LHCGR: variants seen among roughly 807,000 people sequenced by gnomAD.
The protein encoded by LHCGR is luteinizing hormone/choriogonadotropin receptor, also known as lutropin-choriogonadotropic hormone receptor.
Under a neutral mutation model 60.7 loss-of-function variants are expected in LHCGR, and 55 were observed. That is an observed-to-expected ratio of 0.91 (90% confidence interval 0.73 to 1.13). LHCGR has a LOEUF of 1.13. LHCGR is among the 50% of genes most tolerant of loss of function. LHCGR has a pLI of 0.00. For synonymous variants in LHCGR, 337 were observed against 316.5 expected, an observed-to-expected ratio of 1.06 and a Z score of -0.69; for missense variants, 862 against 836.0, an observed-to-expected ratio of 1.03 and a Z score of -0.38.
intron 1 of LHCGR, among the ~76,000 whole-genome samples, chr2:48,752,708 C>G (rs1429880521): frequency 1.3e-5 from 2 of 151,768 alleles, no homozygotes; most frequent in Non-Finnish European, 2.9e-5. Context: ...GTCTTCTTAC[C>G]TCAGGACTCA....
Position 48,730,363 on chromosome 2 carries a change from G to T in LHCGR, c.233+864C>A, listed in dbSNP as rs181288963. Reference sequence around the variant, plus strand: ...AGTGTGGGTTAAGCTCAAGTAAACCGACAAGTCCGTAACCTGCAGGGAATT... The same window carrying T: ...AGTGTGGGTTAAGCTCAAGTAAACCTACAAGTCCGTAACCTGCAGGGAATT... On this transcript the variant is annotated intron_variant, in intron 2 of 10. Transcript: ENST00000294954. Among the ~76,000 whole-genome samples, 5 of 152,242 alleles carry T rather than the reference G, an allele frequency of 3.3e-5. No individual in the cohort carries two copies. The East Asian group carries it at 9.6e-4, about 29-fold the overall frequency.
At chr2:48,724,524 C>T (rs928374099) in intron 4 of LHCGR, among the ~76,000 whole-genome samples, 1 of 152,192 alleles carries the variant, frequency 6.6e-6, no homozygotes, top group African/African-American at 2.4e-5. Flanking sequence ...GCCCAGGTCA[C>T]ACTGGATCTC....
intron 3 of LHCGR, among the ~76,000 whole-genome samples, chr2:48,728,102 TA>T (rs1251649760): frequency 1.5e-5 from 2 of 136,252 alleles, no homozygotes; most frequent in Admixed American, 7.3e-5. Flanking sequence ...TTTTTTTTTT[TA>T]AACTCATCAG....
At chr2:48,695,163 AT>A (rs1667055250) in intron 9 of LHCGR, among the ~76,000 whole-genome samples, 1 of 152,026 alleles carries the variant, frequency 6.6e-6, no homozygotes, top group Admixed American at 6.6e-5. Context: ...TTGTTGATGC[AT>A]TTAATTTCAT....
At chr2:48,702,823 T>C (rs1667477795) in intron 8 of LHCGR, among the ~76,000 whole-genome samples, 1 of 152,214 alleles carries the variant, frequency 6.6e-6, no homozygotes, top group African/African-American at 2.4e-5. Context: ...TATTTCTAGT[T>C]CTAGATCCTT....
In LHCGR at chr2:48,694,248, A is replaced by C. The variant is rs1558811282; in HGVS notation, c.923T>G (p.Val308Gly). 3.1e-6 allele frequency: 5 copies of C among 1,592,622 alleles called. No individual in the cohort carries two copies. Among genetic ancestry groups the C allele is most frequent in the Non-Finnish European group, 4.3e-6 (5 of 1,162,814 alleles). ...ENFSKQCESTVRKVNNKTLYS... is the reference protein window; with the variant it reads ...ENFSKQCESTGRKVNNKTLYS... Reference sequence around the variant, plus strand: ...CAGTGTTTTGTTATTCACTTTCCTTACTGTGCTTTCACATTGTTTGGAAAA... The same window carrying C: ...CAGTGTTTTGTTATTCACTTTCCTTCCTGTGCTTTCACATTGTTTGGAAAA... Residue 308 changes from valine to glycine, a missense_variant, in exon 10 of 11, where the codon GTA becomes GGA. Physicochemically the swap from Val to Gly is moderately radical, Grantham distance 109. Transcript: ENST00000294954.
chr2:48,702,327 A>G (rs6742911), intron 8 of LHCGR, among the ~76,000 whole-genome samples: 20,195 of 151,168 alleles, frequency 0.13, 1,612 homozygotes, highest in South Asian at 0.24. Context: ...GGTTTGTTAC[A>G]TAGGTATACA....
chr2:48,706,168 G>T (rs939740395), intron 8 of LHCGR, among the ~76,000 whole-genome samples: 1 of 152,158 alleles, frequency 6.6e-6, no homozygotes, highest in Non-Finnish European at 1.5e-5. Context: ...AATTTGGCTG[G>T]ATATGAAATT....
Position 48,688,073 on chromosome 2 carries a change from A to G in LHCGR, c.1724T>C (p.Ile575Thr), listed in dbSNP as rs761542332. 2 of 1,614,064 alleles carry G rather than the reference A, an allele frequency of 1.2e-6. No individual in the cohort carries two copies. The highest frequency in any genetic ancestry group is 2.7e-5 in the African/African-American group (2 of 74,928). ...TKIAKKMAIL[I>T]FTDFTCMAPI... ...TGCCATGCAGGTGAAATCGGTGAAGATGAGGATTGCCATTTTCTTAGCAAT... is the reference window on the plus strand; with the variant it reads ...TGCCATGCAGGTGAAATCGGTGAAGGTGAGGATTGCCATTTTCTTAGCAAT... Residue 575 changes from isoleucine to threonine, a missense_variant, in exon 11 of 11, where the codon ATC becomes ACC. Ile to Thr is a moderately conservative substitution (Grantham distance 89). Transcript: ENST00000294954. This position sits in a 1 kb window ranked among gnomAD's most constrained non-coding sequence, Gnocchi z 5.2.
intron 1 of LHCGR, among the ~76,000 whole-genome samples, chr2:48,750,252 C>T (rs1411944945): frequency 6.6e-6 from 1 of 152,168 alleles, no homozygotes; most frequent in Non-Finnish European, 1.5e-5. Context: ...ACCTTGTGTG[C>T]TACACCAGGA....
chr2:48,697,117 C>A (rs951056871), intron 9 of LHCGR, among the ~76,000 whole-genome samples: 1 of 152,204 alleles, frequency 6.6e-6, no homozygotes, highest in African/African-American at 2.4e-5. Flanking sequence ...TCATCTTCTT[C>A]CATGTGTCCA....
At chr2:48,739,730 C>T (rs899587147) in intron 1 of LHCGR, among the ~76,000 whole-genome samples, 1 of 151,928 alleles carries the variant, frequency 6.6e-6, no homozygotes, top group Non-Finnish European at 1.5e-5. Context: ...AGTTAATGGG[C>T]ACAGCACACC....
At chr2:48,707,037 C>T (rs1667718565) in intron 8 of LHCGR, among the ~76,000 whole-genome samples, 1 of 152,124 alleles carries the variant, frequency 6.6e-6, no homozygotes, top group Non-Finnish European at 1.5e-5. Flanking sequence ...TTTTATCTAC[C>T]TTTGGTCATT....
chr2:48,694,746 A>G (rs1032229795), intron 9 of LHCGR, among the ~76,000 whole-genome samples: 3 of 152,128 alleles, frequency 2.0e-5, no homozygotes, highest in Non-Finnish European at 4.4e-5. Context: ...TGGACCTGAC[A>G]TTATGATGTG....
chr2:48,746,575 C>G (rs1363944013), intron 1 of LHCGR, among the ~76,000 whole-genome samples: 1 of 152,192 alleles, frequency 6.6e-6, no homozygotes, highest in Non-Finnish European at 1.5e-5. Context: ...AGCCATTCCG[C>G]AGCACCCAAG....
chr2:48,747,186 T>G (rs1021446955), intron 1 of LHCGR, among the ~76,000 whole-genome samples: 14 of 152,134 alleles, frequency 9.2e-5, no homozygotes, highest in Admixed American at 4.6e-4. Flanking sequence ...GTCTCCTGGT[T>G]CAAGGGATTC....
chr2:48,738,144 T>A (rs1045986865), intron 1 of LHCGR, among the ~76,000 whole-genome samples: 8 of 152,200 alleles, frequency 5.3e-5, no homozygotes, highest in Admixed American at 3.3e-4. Context: ...GCAGCTCAAA[T>A]CCCTGCTTCT....
intron 2 of LHCGR, 147 bp downstream of exon 2, chr2:48,731,080 T>C (rs910046774): frequency 1.6e-6 from 1 of 607,252 alleles, no homozygotes; most frequent in Non-Finnish European, 2.9e-6. Context: ...CTCTAGTTAT[T>C]ATTTGTATTA....
intron 8 of LHCGR, among the ~76,000 whole-genome samples, chr2:48,703,898 G>T (rs1667530432): frequency 6.6e-6 from 1 of 152,082 alleles, no homozygotes; most frequent in African/African-American, 2.4e-5. Context: ...TCGCCTGATT[G>T]CCCTGGCCAG....
Sources: allele counts gnomAD v4.1 joint callset (sites outside exome capture counted in the v4.1 genomes callset), GRCh38; gene constraint gnomAD v4.1.1; non-coding constraint Gnocchi (gnomAD v3.1); transcripts MANE v1.5; gene names NCBI Gene and HGNC (gene_info 2026-07-23, HGNC 2026-07-21).